Variants in SHOC1 observed in about 807,000 individuals in gnomAD.
The protein encoded by SHOC1 is shortage in chiasmata 1, also known as protein shortage in chiasmata 1 ortholog.
In SHOC1, 136 loss-of-function variants were observed where a neutral mutation model predicts 179.2. That is an observed-to-expected ratio of 0.76 (90% CI 0.66 to 0.87). The LOEUF (loss-of-function observed/expected upper bound fraction) is 0.87, where lower values mean the gene tolerates loss of function less well. SHOC1 is among the 40% of genes least tolerant of loss of function. The probability of loss-of-function intolerance (pLI) is 0.00; values close to 1 mark genes in which losing one functional copy is unlikely to be tolerated. For missense variants in SHOC1, 1,538 were observed against 1,700.8 expected, an observed-to-expected ratio of 0.90 and a Z score of 1.68; for synonymous variants, 489 against 586.6, an observed-to-expected ratio of 0.83 and a Z score of 2.41.
intron 2 of SHOC1, among the ~76,000 whole-genome samples, chr9:111,790,152 C>T (rs1484780771): frequency 6.6e-6 from 1 of 152,206 alleles, no homozygotes; most frequent in Non-Finnish European, 1.5e-5. Flanking sequence ...AGTTTTCTAA[C>T]CTATAAAATT....
intron 2 of SHOC1, among the ~76,000 whole-genome samples, chr9:111,790,697 C>G (rs927231207): frequency 1.3e-5 from 2 of 152,096 alleles, no homozygotes; most frequent in East Asian, 1.9e-4. Context: ...AGGCGCCCAC[C>G]ACCATGCCCG....
At chr9:111,774,433 G>A (rs1484584731) in intron 5 of SHOC1, among the ~76,000 whole-genome samples, 1 of 152,068 alleles carries the variant, frequency 6.6e-6, no homozygotes, top group Non-Finnish European at 1.5e-5. Flanking sequence ...CAAATAGCTA[G>A]GACTACAGAA....
intron 5 of SHOC1, among the ~76,000 whole-genome samples, chr9:111,764,823 T>C (rs763131830): frequency 5.3e-5 from 8 of 152,118 alleles, no homozygotes; most frequent in Non-Finnish European, 1.2e-4. Flanking sequence ...GGGTGGTTGA[T>C]GAAGTCAGGA....
At chr9:111,769,092 C>T (rs1835466322) in intron 5 of SHOC1, among the ~76,000 whole-genome samples, 1 of 152,136 alleles carries the variant, frequency 6.6e-6, no homozygotes, top group Non-Finnish European at 1.5e-5. Flanking sequence ...CCTTGCATCC[C>T]TAGGATGAAT....
chr9:111,726,372 C>T (rs1302633313), intron 13 of SHOC1, among the ~76,000 whole-genome samples: 2 of 152,174 alleles, frequency 1.3e-5, no homozygotes. Flanking sequence ...AACTCCTGGG[C>T]TAAGGCATCT....
At chr9:111,747,702 T>C (rs145183884) in intron 9 of SHOC1, among the ~76,000 whole-genome samples, 324 of 152,226 alleles carry the variant, frequency 2.1e-3, no homozygotes, top group Admixed American at 4.3e-3. Context: ...TGCCTCAGCC[T>C]CCTGAGTGTC....
At chr9:111,714,056 C>T (rs542876488) in intron 17 of SHOC1, among the ~76,000 whole-genome samples, 1 of 152,010 alleles carries the variant, frequency 6.6e-6, no homozygotes, top group African/African-American at 2.4e-5. Context: ...GCTCTTTTGC[C>T]CAGGCTGGAG....
intron 5 of SHOC1, among the ~76,000 whole-genome samples, chr9:111,773,096 T>C (rs147802499): frequency 0.013 from 1,908 of 152,216 alleles, 24 homozygotes; most frequent in Non-Finnish European, 0.021. Context: ...CCCTAGGATC[T>C]GTCTCATCCT....
At chr9:111,784,749 C>A (rs1836199491) in intron 3 of SHOC1, among the ~76,000 whole-genome samples, 1 of 152,082 alleles carries the variant, frequency 6.6e-6, no homozygotes, top group Admixed American at 6.5e-5. Flanking sequence ...GATTAAGGCA[C>A]CAGAAGATTC....
chr9:111,727,574 T>G (rs529017592), intron 13 of SHOC1, 59 bp downstream of exon 13: 71 of 1,392,730 alleles, frequency 5.1e-5, no homozygotes, highest in Non-Finnish European at 6.8e-5. Flanking sequence ...CTATAATAAA[T>G]TATGTACTTA....
chr9:111,705,166 T>TAC (rs367678449), intron 21 of SHOC1, 81 bp downstream of exon 21: 786 of 397,032 alleles, frequency 2.0e-3, no homozygotes, highest in Middle Eastern at 7.5e-3. Context: ...TATCAGAATA[T>TAC]ATATACACAC....
intron 5 of SHOC1, among the ~76,000 whole-genome samples, chr9:111,760,498 A>G (rs1327213970): frequency 6.6e-6 from 1 of 152,200 alleles, no homozygotes; most frequent in Admixed American, 6.5e-5. Flanking sequence ...AAGGTCTACT[A>G]ATATGAAAGA....
intron 12 of SHOC1, among the ~76,000 whole-genome samples, chr9:111,730,383 C>T (rs1368211500): frequency 2.6e-5 from 4 of 152,120 alleles, no homozygotes; most frequent in Non-Finnish European, 4.4e-5. Context: ...CAGCTCTGGC[C>T]TTATGAAATG....
chr9:111,760,177 A>G (rs1835074194), intron 5 of SHOC1, among the ~76,000 whole-genome samples: 1 of 152,204 alleles, frequency 6.6e-6, no homozygotes, highest in South Asian at 2.1e-4. Context: ...TATTTCTGGA[A>G]CTAAATGGCT....
At chr9:111,750,860 T>G (rs1347839213) in intron 8 of SHOC1, among the ~76,000 whole-genome samples, 4 of 152,230 alleles carry the variant, frequency 2.6e-5, no homozygotes, top group African/African-American at 4.8e-5. Context: ...AGATCCCATT[T>G]GTCAATTTTT....
intron 12 of SHOC1, among the ~76,000 whole-genome samples, chr9:111,728,559 T>C (rs1465675839): frequency 1.3e-5 from 2 of 152,198 alleles, no homozygotes; most frequent in East Asian, 3.8e-4. Flanking sequence ...CTTGAAAACA[T>C]GCTAAGTGAA....
At chr9:111,735,362 G>C (rs1015360339) in intron 12 of SHOC1, among the ~76,000 whole-genome samples, 3 of 152,094 alleles carry the variant, frequency 2.0e-5, no homozygotes, top group African/African-American at 4.8e-5. Context: ...AGGCCCTGGT[G>C]TGTGATGTTC....
intron 18 of SHOC1, 39 bp from the exon 19 acceptor site, chr9:111,707,963 C>T: frequency 8.1e-7 from 1 of 1,239,986 alleles, no homozygotes; most frequent in Non-Finnish European, 1.1e-6. Flanking sequence ...GTGTCTTGTT[C>T]AGATACATAT....
chr9:111,734,240 T>C (rs983001690), intron 12 of SHOC1, among the ~76,000 whole-genome samples: 5 of 152,186 alleles, frequency 3.3e-5, no homozygotes, highest in Non-Finnish European at 1.5e-5. Context: ...ATTATCATAA[T>C]AATTTATTGG....
Sources: gnomAD v4.1 joint callset for allele counts (sites outside exome capture counted in the v4.1 genomes callset) on GRCh38, gnomAD v4.1.1 for gene constraint, MANE v1.5 for transcripts, NCBI Gene and HGNC (gene_info 2026-07-23, HGNC 2026-07-21) for gene names.